REV1: variants seen among roughly 807,000 people sequenced by gnomAD.
REV1 encodes the protein REV1 DNA directed polymerase, also known as translesion synthesis protein REV1.
REV1 carries 42 observed loss-of-function variants against 137.4 expected under a neutral mutation model. The ratio of observed to expected loss-of-function variants is 0.31; its 90% CI spans 0.24 to 0.40. REV1 has a LOEUF of 0.40. REV1 is among the 10% of genes least tolerant of loss of function. The pLI, the probability that REV1 is intolerant of heterozygous loss-of-function variation, is 1.00. For synonymous variants in REV1, 524 were observed against 519.2 expected, an observed-to-expected ratio of 1.01 and a Z score of -0.12; for missense variants, 1,282 against 1,490.1, an observed-to-expected ratio of 0.86 and a Z score of 2.30.
chr2:99,430,324 T>C (rs1679957294), intron 8 of REV1, among the ~76,000 whole-genome samples: 1 of 152,126 alleles, frequency 6.6e-6, no homozygotes, highest in African/African-American at 2.4e-5. Context: ...CAGCTCTCGG[T>C]AGTGGGGAAA....
At chr2:99,407,512 A>AT (rs1228550991) in intron 15 of REV1, among the ~76,000 whole-genome samples, 13 of 151,458 alleles carry the variant, frequency 8.6e-5, no homozygotes, top group Non-Finnish European at 1.9e-4. Context: ...ATACAACGCC[A>AT]TTGCACTCCA....
chr2:99,454,812 T>C (rs1575157178), intron 3 of REV1, among the ~76,000 whole-genome samples: 1 of 152,164 alleles, frequency 6.6e-6, no homozygotes, highest in Non-Finnish European at 1.5e-5. Flanking sequence ...TATATGCAAC[T>C]AAATTTGAGG....
chr2:99,430,999 A>G (rs111230660), intron 8 of REV1, among the ~76,000 whole-genome samples: 19 of 152,316 alleles, frequency 1.2e-4, no homozygotes, highest in African/African-American at 4.1e-4. Context: ...GTAACAACAC[A>G]TAACTAAGAA....
chr2:99,425,690 A>G (rs1356894686), intron 9 of REV1, among the ~76,000 whole-genome samples: 1 of 152,238 alleles, frequency 6.6e-6, no homozygotes, highest in African/African-American at 2.4e-5. Flanking sequence ...AGATATATAG[A>G]TTCAGCATGT....
chr2:99,423,748 T>C (rs1678981948), intron 10 of REV1, among the ~76,000 whole-genome samples: 2 of 152,208 alleles, frequency 1.3e-5, no homozygotes, highest in Admixed American at 1.3e-4. Context: ...TTTTAAAGTG[T>C]CTCCACTTGT....
intron 14 of REV1, among the ~76,000 whole-genome samples, chr2:99,408,766 T>C (rs989490938): frequency 3.3e-5 from 5 of 152,204 alleles, no homozygotes; most frequent in East Asian, 1.9e-4. Context: ...GGCTGTCCCA[T>C]TGCAAACAGA....
At chr2:99,486,335 C>A (rs1687127296) in intron 1 of REV1, among the ~76,000 whole-genome samples, 1 of 152,126 alleles carries the variant, frequency 6.6e-6, no homozygotes, top group South Asian at 2.1e-4. Context: ...CGACACCATC[C>A]TGGATAACAC....
At chr2:99,407,562 A>AC (rs1404734466) in intron 15 of REV1, among the ~76,000 whole-genome samples, 2 of 151,370 alleles carry the variant, frequency 1.3e-5, no homozygotes, top group Non-Finnish European at 2.9e-5. Flanking sequence ...AAAAAAAAAA[A>AC]CCCCACACAA....
At chr2:99,411,412 T>TA (rs1021337790) in intron 13 of REV1, among the ~76,000 whole-genome samples, 2 of 101,288 alleles carry the variant, frequency 2.0e-5, no homozygotes, top group African/African-American at 7.2e-5. Flanking sequence ...CTTTCTTTCC[T>TA]TTTTTTTTTT....
intron 5 of REV1, 54 bp downstream of exon 5, chr2:99,442,252 CAAAAAAAAAAA>C (rs3070575): frequency 1.9e-4 from 104 of 536,858 alleles, no homozygotes; most frequent in Non-Finnish European, 2.5e-4. Flanking sequence ...AACTCCATCT[CAAAAAAAAAAA>C]AAAAAAAAAA....
intron 11 of REV1, 127 bp downstream of exon 11, chr2:99,421,372 G>A (rs1422621131): frequency 2.7e-6 from 2 of 750,530 alleles, no homozygotes; most frequent in Admixed American, 5.3e-5. Flanking sequence ...TCACACAATT[G>A]TAAGCAATGC....
chr2:99,431,784 G>C (rs1344787598), intron 8 of REV1: 1 of 985,512 alleles, frequency 1.0e-6, no homozygotes, highest in African/African-American at 1.7e-5. Flanking sequence ...TCCACGAGCG[G>C]AGTGAGTTGC....
intron 1 of REV1, among the ~76,000 whole-genome samples, chr2:99,472,953 T>C (rs1407261226): frequency 6.6e-6 from 1 of 152,194 alleles, no homozygotes; most frequent in African/African-American, 2.4e-5. Flanking sequence ...TTACAGACCA[T>C]CATTGTCTAC....
At chr2:99,442,577 A>T (rs1681657976) in intron 4 of REV1, 108 bp from the exon 5 acceptor site, 1 of 1,017,788 alleles carries the variant, frequency 9.8e-7, no homozygotes, top group East Asian at 2.4e-5. Flanking sequence ...ACAACAGGTC[A>T]TCTGTTTTCC....
chr2:99,439,802 T>C (rs1559352222), intron 5 of REV1, among the ~76,000 whole-genome samples: 2 of 152,198 alleles, frequency 1.3e-5, no homozygotes, highest in African/African-American at 2.4e-5. Flanking sequence ...ATAACTTTCA[T>C]AAAAATGGAT....
At chr2:99,466,144 C>T (rs752445637) in intron 1 of REV1, among the ~76,000 whole-genome samples, 19 of 151,934 alleles carry the variant, frequency 1.3e-4, no homozygotes, top group Non-Finnish European at 2.4e-4. Context: ...GTAGAGACGG[C>T]GTTTCACCAT....
chr2:99,402,820 T>C lies in REV1; in HGVS notation c.3385-20A>G, dbSNP rs148080329. The C allele has an allele frequency of 9.0e-5, 145 of 1,613,868 alleles. 1 individual carries two copies. The East Asian group carries it at 2.9e-3, about 32-fold the overall frequency. On this transcript the variant is annotated intron_variant, in intron 20 of 22. Coordinates refer to ENST00000258428, the MANE Select transcript of REV1 (RefSeq NM_016316.4). ...TTCTTCCTGTTAAGAAAACAAAGGA[T>C]AAAATTGCTATATTCACACATTATC...
chr2:99,470,489 C>T (rs903284638), intron 1 of REV1, among the ~76,000 whole-genome samples: 1 of 152,156 alleles, frequency 6.6e-6, no homozygotes, highest in African/African-American at 2.4e-5. Flanking sequence ...ATCTGCTAGC[C>T]GTAATAAAGA....
chr2:99,435,036 T>C (rs2104774322), intron 7 of REV1, among the ~76,000 whole-genome samples: 1 of 152,286 alleles, frequency 6.6e-6, no homozygotes, highest in East Asian at 1.9e-4. Flanking sequence ...CAGGGATAAA[T>C]ATATATTTAC....
Sources: gnomAD v4.1 joint callset for allele counts (sites outside exome capture counted in the v4.1 genomes callset) on GRCh38, gnomAD v4.1.1 for gene constraint, MANE v1.5 for transcripts, NCBI Gene and HGNC (gene_info 2026-07-23, HGNC 2026-07-21) for gene names.